Variants in HSPG2 observed in about 807,000 individuals in gnomAD.
HSPG2 encodes basement membrane-specific heparan sulfate proteoglycan core protein.
In HSPG2, 278 loss-of-function variants were observed where a neutral mutation model predicts 526.6. That is an observed-to-expected ratio of 0.53 (90% CI 0.48 to 0.58). The LOEUF (loss-of-function observed/expected upper bound fraction) is 0.58. Ranked by LOEUF, HSPG2 falls within the 20% of genes least tolerant of loss-of-function variation. HSPG2 has a pLI of 0.00. For synonymous variants in HSPG2, 2,465 were observed against 2,555.4 expected, an observed-to-expected ratio of 0.96 and a Z score of 1.07; for missense variants, 5,354 against 6,099.5, an observed-to-expected ratio of 0.88 and a Z score of 4.07.
intron 19 of HSPG2, 40 bp downstream of exon 19, chr1:21,878,537 C>T: frequency 6.2e-7 from 1 of 1,613,880 alleles, no homozygotes; most frequent in Non-Finnish European, 8.5e-7. Context: ...TGACCCCACC[C>T]AGGAGCCCCC....
Position 21,828,140 on chromosome 1 carries a change from T to C in HSPG2, c.12422A>G (p.Glu4141Gly), listed in dbSNP as rs1218832292. The part of the protein sequence containing the change: ...CRDGFKGDLC[E>G]HEENPCQLRE... ...GAGCTGGCAGGGGTTCTCCTCGTGC[T>C]CACACAGGTCTCCTGTGGGCCAGGG... Residue 4141 changes from glutamate (E) to glycine (G), a missense_variant, in exon 90 of 97, where the codon GAG (glutamate) becomes GGG (glycine). By Grantham distance (98) the Glu-to-Gly change is moderately conservative (BLOSUM62 -2). Coordinates refer to ENST00000374695, the MANE Select transcript of HSPG2 (RefSeq NM_005529.7). The surrounding 1 kb of genome is among the most constrained non-coding windows in gnomAD (Gnocchi z 6.0). 1.4e-6 allele frequency: 2 copies of C among 1,389,524 alleles called. No individual in the cohort carries two copies. Among genetic ancestry groups the C allele is most frequent in the Non-Finnish European group, 1.9e-6 (2 of 1,037,848 alleles). 86.1% of individuals were successfully genotyped at this position (1,389,524 alleles called of 1,614,324 possible). A position where few individuals can be genotyped will look rare whatever the true frequency, so the allele number is the denominator to read the frequency against.
In HSPG2 at chr1:21,841,560, C is replaced by T; in HGVS notation, c.9307G>A (p.Val3103Met). 1 of 1,614,264 alleles carries T rather than the reference C, an allele frequency of 6.2e-7. No homozygotes were observed. Among genetic ancestry groups the T allele is most frequent in the African/African-American group, 1.3e-5 (1 of 75,074 alleles). ...TCACCGTGCACACTGAGGTTCACCA[C>T]ACTCTGGGCCACACCGTAGGCATTG... is the stretch of plus-strand genomic sequence containing the variant. ...ASNAYGVAQS[V>M]VNLSVHGPPT... Residue 3103 changes from valine to methionine, a missense_variant, in exon 70 of 97, where the codon GTG becomes ATG. Transcript: ENST00000374695.
chr1:21,849,573 T>C (rs1375972004), intron 57 of HSPG2, among the ~76,000 whole-genome samples: 1 of 152,144 alleles, frequency 6.6e-6, no homozygotes, highest in Admixed American at 6.5e-5. Context: ...CATAAAATCA[T>C]AGGACACTGA....
Position 21,846,075 on chromosome 1 carries a change from C to T in HSPG2, c.8464+33G>A, listed in dbSNP as rs1414713185. On this transcript the variant is annotated intron_variant, in intron 64 of 96. Coordinates refer to ENST00000374695, the MANE Select transcript of HSPG2 (RefSeq NM_005529.7). ...TGGTCTCTGTCCCTTCCTCCCTCCC[C>T]CGGCCTTCCCGTCCCACTGCAGGGA... 9 of 1,610,806 alleles carry T rather than the reference C, an allele frequency of 5.6e-6. No individual in the cohort carries two copies. In the East Asian group the frequency reaches 1.3e-4, roughly 24 times the overall value.
chr1:21,932,565 AAC>A (rs1644375247), intron 1 of HSPG2, among the ~76,000 whole-genome samples: 1 of 152,222 alleles, frequency 6.6e-6, no homozygotes, highest in African/African-American at 2.4e-5. Flanking sequence ...GAAGCAGATA[AAC>A]ACATAAACAA....
Position 21,857,345 on chromosome 1 carries a change from C to T in HSPG2, c.5334G>A (p.Gln1778=), listed in dbSNP as rs201154949. ...CTCCGGGGCGCACGCTCTGGCTCCG[C>T]TGCTCCTCCACAGTCACTGTGATGG... ...SKPITVTVEE[Q]RSQSVRPGAD... is the part of the protein sequence containing the mutation. The change falls in exon 43 of 97, where the codon CAG becomes CAA. Residue 1778 remains glutamine (Q), a synonymous_variant. Coordinates refer to ENST00000374695, the MANE Select transcript of HSPG2 (RefSeq NM_005529.7). 5.5e-5 allele frequency: 88 copies of T among 1,613,970 alleles called. No individual in the cohort carries two copies. Among genetic ancestry groups the T allele is most frequent in the Non-Finnish European group, 6.4e-5 (76 of 1,180,034 alleles).
In HSPG2 at chr1:21,828,290, T is replaced by A. The variant is rs760508162; in HGVS notation, c.12374A>T (p.Tyr4125Phe). The A allele has an allele frequency of 3.1e-6, 5 of 1,613,768 alleles. No homozygotes were observed. The South Asian group carries it at 5.5e-5, about 18-fold the overall frequency. ...ATCTCGACACAGGCACTGGAACTCA[T>A]ACTCGCCAGCGGGCATGCACGTGGC... ...HGATCMPAGE[Y>F]EFQCLCRDGF... The change falls in exon 89 of 97, where the codon TAT (tyrosine) becomes TTT (phenylalanine). Residue 4125 changes from tyrosine (Y) to phenylalanine (F), a missense_variant. Physicochemically the swap from Tyr to Phe is conservative, Grantham distance 22. Transcript: ENST00000374695. The surrounding 1 kb of genome is among the most constrained non-coding windows in gnomAD (Gnocchi z 6.0).
At position 21,838,917 on chromosome 1, in the gene HSPG2, T is replaced by G. The variant is rs1379869129; in HGVS notation, c.10058A>C (p.Glu3353Ala). The change falls in exon 74 of 97, where the codon GAG (glutamate) becomes GCG (alanine). Residue 3353 changes from glutamate to alanine, a missense_variant. Physicochemically the swap from Glu to Ala is moderately radical, Grantham distance 107. Transcript: ENST00000374695. The part of the protein sequence containing the change: ...ATARNELLHF[E>A]RAAPEDSGRY... ...GCCTGAGTCCTCAGGGGCTGCACGCTCAAAGTGCAGCAGCTCGTTCCTGGC... is the reference window on the plus strand; with the variant it reads ...GCCTGAGTCCTCAGGGGCTGCACGCGCAAAGTGCAGCAGCTCGTTCCTGGC... 4 of 1,612,094 alleles carry G rather than the reference T, an allele frequency of 2.5e-6. No individual in the cohort carries two copies. The highest frequency in any genetic ancestry group is 3.4e-6 in the Non-Finnish European group (4 of 1,179,070).
chr1:21,900,578 C>T (rs1390673986), intron 1 of HSPG2, among the ~76,000 whole-genome samples: 1 of 152,060 alleles, frequency 6.6e-6, no homozygotes, highest in African/African-American at 2.4e-5. Flanking sequence ...TAGGAAAGGA[C>T]TAAGAACGGA....
chr1:21,852,152 G>A lies in HSPG2; in HGVS notation c.6806C>T (p.Ala2269Val), dbSNP rs1163027745. ...TGTGACCTGGGCGTGGGCCTGCCCT[G>A]CCACCACGCAGCTCAGATCCAGGGT... ...GQTLDLSCVVAGQAHAQVTWY... is the reference protein window; with the variant it reads ...GQTLDLSCVVVGQAHAQVTWY... Residue 2269 changes from alanine to valine, a missense_variant, in exon 53 of 97, where the codon GCA becomes GTA. Ala to Val is a moderately conservative substitution (Grantham distance 64). Coordinates refer to ENST00000374695, the MANE Select transcript of HSPG2 (RefSeq NM_005529.7). 6.2e-7 allele frequency: 1 copy of A among 1,613,958 alleles called. No individual in the cohort carries two copies. Among genetic ancestry groups the A allele is most frequent in the East Asian group, 2.2e-5 (1 of 44,880 alleles).
At chr1:21,845,074 C>T (rs1295526876) in intron 64 of HSPG2, among the ~76,000 whole-genome samples, 6 of 152,104 alleles carry the variant, frequency 3.9e-5, no homozygotes, top group African/African-American at 1.4e-4. Context: ...GGTGAAACCC[C>T]GTCTCTACTA....
intron 87 of HSPG2, 115 bp downstream of exon 87, chr1:21,829,267 GA>G: frequency 2.2e-6 from 3 of 1,370,450 alleles, no homozygotes; most frequent in Non-Finnish European, 3.1e-6. Flanking sequence ...TGCACAGGAA[GA>G]GGGGACTTGC....
chr1:21,873,249 C>G, intron 30 of HSPG2, 126 bp downstream of exon 30: 1 of 1,240,614 alleles, frequency 8.1e-7, no homozygotes, highest in Non-Finnish European at 1.2e-6. Context: ...TTCTCCTATC[C>G]CCATTTTACA....
rs185746517 is a variant in HSPG2, at chr1:21,891,848, C to A, written c.245-1154G>T. Among the ~76,000 whole-genome samples the A allele has an allele frequency of 2.6e-5, 4 of 152,294 alleles. No homozygotes were observed. In the East Asian group the frequency reaches 7.7e-4, roughly 29 times the overall value. ...CTGGTCTCAAACTCCTGGGCTCAAG[C>A]AATCCTCTCACTTTGGCCTCCCAAA... On this transcript the variant is annotated intron_variant, in intron 3 of 96. Coordinates refer to ENST00000374695, the MANE Select transcript of HSPG2 (RefSeq NM_005529.7).
At chr1:21,879,676 T>G (rs947389011) in intron 17 of HSPG2, among the ~76,000 whole-genome samples, 2 of 151,310 alleles carry the variant, frequency 1.3e-5, no homozygotes, top group Non-Finnish European at 1.5e-5. Flanking sequence ...TTTCTGAGAC[T>G]GAGTCTTGCT....
In HSPG2 at chr1:21,833,791, C is replaced by T. The variant is rs369378034; in HGVS notation, c.10830+25G>A. The stretch of plus-strand genomic sequence containing the variant: ...CTGTTCCCAGCCCCCAAGTCATGCC[C>T]GCTGGTTCCCTCTCCAGCACTTACC... On this transcript the variant is annotated intron_variant, in intron 78 of 96. Coordinates refer to ENST00000374695, the MANE Select transcript of HSPG2 (RefSeq NM_005529.7). 121 of 1,540,376 alleles carry T rather than the reference C, an allele frequency of 7.9e-5. No individual in the cohort carries two copies. In the African/African-American group the frequency reaches 1.0e-3, roughly 13 times the overall value.
intron 85 of HSPG2, chr1:21,830,675 A>G (rs1180185540): frequency 3.1e-6 from 1 of 326,230 alleles, no homozygotes; most frequent in African/African-American, 2.8e-5. Flanking sequence ...GGGCAACAAG[A>G]GCGAAACTTC....
At position 21,896,205 on chromosome 1, in the gene HSPG2, C is replaced by T. The variant is rs1642735487; in HGVS notation, c.169G>A (p.Glu57Lys). 6.2e-7 allele frequency: 1 copy of T among 1,613,912 alleles called. No individual in the cohort carries two copies. Among genetic ancestry groups the T allele is most frequent in the Non-Finnish European group, 8.5e-7 (1 of 1,180,020 alleles). ...RWTHSYLSDD[E>K]DMLADSISGD... The stretch of plus-strand genomic sequence containing the variant: ...GAGATGCTGTCAGCCAGCATGTCCT[C>T]ATCATCAGAAAGGTACGAATGTGTC... Residue 57 changes from glutamate (E) to lysine (K), a missense_variant, in exon 2 of 97, where the codon GAG (glutamate) becomes AAG (lysine). Transcript: ENST00000374695.
Position 21,864,237 on chromosome 1 carries a change from C to T in HSPG2, c.4627-24G>A. 3.9e-6 allele frequency: 6 copies of T among 1,541,002 alleles called. No individual in the cohort carries two copies. Among genetic ancestry groups the T allele is most frequent in the Non-Finnish European group, 5.3e-6 (6 of 1,138,646 alleles). On this transcript the variant is annotated intron_variant, in intron 36 of 96. Coordinates refer to ENST00000374695, the MANE Select transcript of HSPG2 (RefSeq NM_005529.7). This position sits in a 1 kb window ranked among gnomAD's most constrained non-coding sequence, Gnocchi z 4.8. Reference sequence around the variant, plus strand: ...TCCTAGGGGCAGAGAGGAAGGTTGGCCTCTGTTCCCAACGTGCCCCACCCA... The same window carrying T: ...TCCTAGGGGCAGAGAGGAAGGTTGGTCTCTGTTCCCAACGTGCCCCACCCA...
Sources: allele counts gnomAD v4.1 joint callset (sites outside exome capture counted in the v4.1 genomes callset), GRCh38; gene constraint gnomAD v4.1.1; non-coding constraint Gnocchi (gnomAD v3.1); transcripts MANE v1.5; gene names NCBI Gene and HGNC (gene_info 2026-07-23, HGNC 2026-07-21).